MNAT1: variants seen among roughly 807,000 people sequenced by gnomAD.
MNAT1 encodes the protein CDK-activating kinase assembly factor MAT1.
A neutral mutation model predicts 42.0 loss-of-function variants in MNAT1; 43 were observed. That is an observed-to-expected ratio of 1.02 (90% CI 0.80 to 1.32). The LOEUF (loss-of-function observed/expected upper bound fraction) is 1.32. MNAT1 is among the 40% of genes most tolerant of loss of function. The pLI, the probability that MNAT1 is intolerant of heterozygous loss-of-function variation, is 0.00. For missense variants in MNAT1, 306 were observed against 350.4 expected (o/e 0.87, Z 1.01); for synonymous variants, 118 against 120.0 (o/e 0.98, Z 0.11).
rs140951070 is a variant in MNAT1 at position 60,835,159 on chromosome 14, G to A, written c.687+16312G>A. ...CTGTGTGTTTCTTTGCACGTGAGAT[G>A]GATCTCCTGAATACAGCACACTGAT... On this transcript the variant is annotated intron_variant, in intron 6 of 7. Transcript: ENST00000261245. 5.1e-3 allele frequency among the ~76,000 whole-genome samples: 782 copies of A among 152,114 alleles called. 14 individuals carry two copies. The highest frequency in any genetic ancestry group is 0.018 in the African/African-American group (734 of 41,476).
At chr14:60,905,557 A>C (rs1000028630) in intron 7 of MNAT1, among the ~76,000 whole-genome samples, 16 of 152,158 alleles carry the variant, frequency 1.1e-4, no homozygotes, top group Admixed American at 9.8e-4. Context: ...TCATAGTATA[A>C]CTCACGCTGA....
chr14:60,829,496 C>A (rs533289112), intron 6 of MNAT1, among the ~76,000 whole-genome samples: 1 of 151,876 alleles, frequency 6.6e-6, no homozygotes, highest in Non-Finnish European at 1.5e-5. Context: ...TCCTTTACCA[C>A]GGTAAAGGAA....
At chr14:60,914,031 C>T (rs541199838) in intron 7 of MNAT1, among the ~76,000 whole-genome samples, 83 of 152,332 alleles carry the variant, frequency 5.4e-4, no homozygotes, top group Middle Eastern at 3.4e-3. Context: ...ATGGCAGGTG[C>T]CCCTCCCCCA....
At chr14:60,765,840 G>A (rs2030792592) in intron 1 of MNAT1, among the ~76,000 whole-genome samples, 1 of 151,958 alleles carries the variant, frequency 6.6e-6, no homozygotes, top group Non-Finnish European at 1.5e-5. Context: ...AGCAGAGGTT[G>A]GATATATTCT....
chr14:60,953,691 A>T (rs1460873426), intron 7 of MNAT1, among the ~76,000 whole-genome samples: 1 of 152,146 alleles, frequency 6.6e-6, no homozygotes, highest in Non-Finnish European at 1.5e-5. Flanking sequence ...TAATTTTTTG[A>T]GGAACTTCCG....
At chr14:60,812,235 T>C (rs961877266) in intron 5 of MNAT1, 108 bp downstream of exon 5, 6 of 1,088,926 alleles carry the variant, frequency 5.5e-6, no homozygotes, top group Non-Finnish European at 7.6e-6. Flanking sequence ...GTTTGTAATC[T>C]GGTTCACCTT....
intron 4 of MNAT1, chr14:60,809,069 T>C (rs2032463571): frequency 6.6e-6 from 1 of 152,156 alleles, no homozygotes; most frequent in Non-Finnish European, 1.5e-5. Flanking sequence ...TATTAGAATG[T>C]ATTCTATAAA....
rs576544306 is a variant in MNAT1, at chr14:60,798,475, G to A, written c.316+315G>A. 5.6e-4 allele frequency among the ~76,000 whole-genome samples: 85 copies of A among 152,172 alleles called. 2 individuals carry two copies. The South Asian group carries it at 0.017, about 30-fold the overall frequency. On this transcript the variant is annotated intron_variant, in intron 3 of 7. Transcript: ENST00000261245. ...CATATTAGAGTAGTTTAAATGAATG[G>A]AAAACATATTCTGATTTTTCAAAAA...
chr14:60,909,326 A>C (rs963640774), intron 7 of MNAT1, among the ~76,000 whole-genome samples: 4 of 152,130 alleles, frequency 2.6e-5, no homozygotes, highest in Admixed American at 6.5e-5. Context: ...TCTTTAGTTT[A>C]ATTAGATCCC....
intron 6 of MNAT1, among the ~76,000 whole-genome samples, chr14:60,837,171 G>T (rs1260896112): frequency 1.3e-5 from 2 of 152,206 alleles, no homozygotes; most frequent in African/African-American, 4.8e-5. Flanking sequence ...GTGGGGGTGG[G>T]ATCCGCTGGG....
intron 2 of MNAT1, among the ~76,000 whole-genome samples, chr14:60,796,883 T>C (rs1331422727): frequency 6.6e-6 from 1 of 152,152 alleles, no homozygotes; most frequent in East Asian, 1.9e-4. Flanking sequence ...AACATTAAGT[T>C]GAAGTTTGAA....
intron 7 of MNAT1, among the ~76,000 whole-genome samples, chr14:60,935,538 C>T (rs2035977722): frequency 6.6e-6 from 1 of 152,092 alleles, no homozygotes; most frequent in Non-Finnish European, 1.5e-5. Flanking sequence ...GAAGTAGTAT[C>T]TTCTCTTATT....
intron 1 of MNAT1, among the ~76,000 whole-genome samples, chr14:60,794,019 A>C (rs1356988985): frequency 6.6e-6 from 1 of 152,220 alleles, no homozygotes; most frequent in African/African-American, 2.4e-5. Context: ...TGTCTAATAT[A>C]CAATATAACG....
intron 3 of MNAT1, among the ~76,000 whole-genome samples, chr14:60,807,865 T>C (rs915480242): frequency 6.6e-6 from 1 of 152,154 alleles, no homozygotes; most frequent in Non-Finnish European, 1.5e-5. Context: ...TGTCTACTCA[T>C]GTTGGAGACA....
chr14:60,735,614 T>C (rs1340695622), intron 1 of MNAT1, among the ~76,000 whole-genome samples: 1 of 152,246 alleles, frequency 6.6e-6, no homozygotes, highest in Admixed American at 6.5e-5. Flanking sequence ...GTATTTCCAT[T>C]TCACAGGGAA....
At position 60,808,359 on chromosome 14, in the gene MNAT1, C is replaced by A; in HGVS notation, c.351C>A (p.Asn117Lys). 1 of 1,583,092 alleles carries A rather than the reference C, an allele frequency of 6.3e-7. No homozygotes were observed. The highest frequency in any genetic ancestry group is 8.6e-7 in the Non-Finnish European group (1 of 1,168,728). Residue 117 changes from asparagine (N) to lysine (K), a missense_variant, in exon 4 of 8, where the codon AAC becomes AAA. Physicochemically the swap from Asn to Lys is moderately conservative, Grantham distance 94. Coordinates refer to ENST00000261245, the MANE Select transcript of MNAT1 (RefSeq NM_002431.4). ...TGACCAACAATGTGGATTTGGACAA[C>A]ACCAAAAAGAAAATGGAGATATACC... ...FNLTNNVDLDNTKKKMEIYQK... is the reference protein window; with the variant it reads ...FNLTNNVDLDKTKKKMEIYQK...
chr14:60,903,851 T>C (rs1459154279), intron 7 of MNAT1, among the ~76,000 whole-genome samples: 1 of 150,996 alleles, frequency 6.6e-6, no homozygotes, highest in Non-Finnish European at 1.5e-5. Context: ...TTGTTTTTGA[T>C]GCTACCCATG....
At chr14:60,926,469 G>A (rs922308021) in intron 7 of MNAT1, among the ~76,000 whole-genome samples, 2 of 152,208 alleles carry the variant, frequency 1.3e-5, no homozygotes, top group Non-Finnish European at 2.9e-5. Flanking sequence ...TAAATTGGGG[G>A]TTCCCACAGA....
chr14:60,844,525 G>T (rs948940037), intron 6 of MNAT1, among the ~76,000 whole-genome samples: 3 of 151,954 alleles, frequency 2.0e-5, no homozygotes, highest in Non-Finnish European at 4.4e-5. Flanking sequence ...CTTAATCCTG[G>T]TATGTATATT....
Sources: allele counts gnomAD v4.1 joint callset (sites outside exome capture counted in the v4.1 genomes callset), GRCh38; gene constraint gnomAD v4.1.1; transcripts MANE v1.5; gene names NCBI Gene and HGNC (gene_info 2026-07-23, HGNC 2026-07-21).